The following ABCA12 variants were observed in gnomAD, a reference collection of about 807,000 sequenced individuals.
ABCA12 encodes ATP binding cassette subfamily A member 12.
Under a neutral mutation model 293.5 loss-of-function variants are expected in ABCA12, and 156 were observed. That is an observed-to-expected ratio of 0.53 (90% CI 0.47 to 0.61). The LOEUF (loss-of-function observed/expected upper bound fraction) is 0.61. ABCA12 is among the 20% of genes least tolerant of loss of function. The pLI is 0.00. For missense variants in ABCA12, 2,797 were observed against 3,090.2 expected, an observed-to-expected ratio of 0.91 and a Z score of 2.25; for synonymous variants, 1,063 against 1,108.0, an observed-to-expected ratio of 0.96 and a Z score of 0.81.
intron 52 of ABCA12, among the ~76,000 whole-genome samples, chr2:214,933,528 G>A (rs1289790926): frequency 6.6e-6 from 1 of 152,178 alleles, no homozygotes; most frequent in Non-Finnish European, 1.5e-5. Context: ...TGGTTGAGCT[G>A]TGCAAAATTA....
At chr2:215,018,639 A>C (rs1421094744) in intron 13 of ABCA12, among the ~76,000 whole-genome samples, 3 of 152,182 alleles carry the variant, frequency 2.0e-5, no homozygotes, top group Admixed American at 2.0e-4. Flanking sequence ...TTTAAATAGA[A>C]CGTGTTTAAC....
rs1307823640 is a variant in ABCA12 at position 214,955,223 on chromosome 2, GGAAA to G, written c.6368_6371del (p.Leu2123ProfsTer10). ...TTACCGGATCATTAGGCTTTTCCTT[GGAAA>G]GAAAGTATACCACTGACAGGGAAAC... On this transcript the variant is annotated frameshift_variant, in exon 43 of 53. Coordinates refer to ENST00000272895, the MANE Select transcript of ABCA12 (RefSeq NM_173076.3). LOFTEE classifies it high-confidence loss of function. 1 of 1,613,972 alleles carries G rather than the reference GGAAA, an allele frequency of 6.2e-7. No individual in the cohort carries two copies. Among genetic ancestry groups the G allele is most frequent in the Admixed American group, 1.7e-5 (1 of 60,014 alleles).
chr2:215,104,246 C>T (rs528489863), intron 2 of ABCA12, among the ~76,000 whole-genome samples: 1 of 152,130 alleles, frequency 6.6e-6, no homozygotes, highest in Non-Finnish European at 1.5e-5. Flanking sequence ...AGAAAATACC[C>T]TTCCTTACTC....
At chr2:214,981,639 G>T (rs530517153) in intron 30 of ABCA12, among the ~76,000 whole-genome samples, 37 of 151,946 alleles carry the variant, frequency 2.4e-4, no homozygotes, top group African/African-American at 8.9e-4. Context: ...AGAAAAGAAA[G>T]AGCCAATCTT....
chr2:214,946,394 T>C (rs1309567235), intron 48 of ABCA12, among the ~76,000 whole-genome samples: 1 of 152,172 alleles, frequency 6.6e-6, no homozygotes, highest in African/African-American at 2.4e-5. Flanking sequence ...TAATGCATAA[T>C]GTTTACATAA....
At chr2:215,095,440 C>A (rs540393586) in intron 2 of ABCA12, among the ~76,000 whole-genome samples, 3 of 152,102 alleles carry the variant, frequency 2.0e-5, no homozygotes, top group Non-Finnish European at 4.4e-5. Flanking sequence ...TCATTCTATA[C>A]GACAAATGCT....
Position 214,974,866 on chromosome 2 carries a change from T to C in ABCA12, c.5382-2A>G, listed in dbSNP as rs1189134560. On this transcript the variant is annotated splice_acceptor_variant, in intron 34 of 52. Transcript: ENST00000272895. LOFTEE classifies it high-confidence loss of function. Reference sequence around the variant, plus strand: ...GCTTCCGTGCTCGGGTGATAATTACTGCAATATGAAAGGACAGAAACAAAT... The same window carrying C: ...GCTTCCGTGCTCGGGTGATAATTACCGCAATATGAAAGGACAGAAACAAAT... The C allele has an allele frequency of 1.9e-6, 3 of 1,613,382 alleles. No individual in the cohort carries two copies. Among genetic ancestry groups the C allele is most frequent in the Non-Finnish European group, 2.5e-6 (3 of 1,179,332 alleles).
chr2:215,061,300 T>C (rs1701522749), intron 3 of ABCA12, among the ~76,000 whole-genome samples: 1 of 152,056 alleles, frequency 6.6e-6, no homozygotes, highest in Non-Finnish European at 1.5e-5. Flanking sequence ...AGAAGGCTGG[T>C]GCCAGACGCA....
chr2:215,079,434 T>G (rs1338118645), intron 2 of ABCA12, among the ~76,000 whole-genome samples: 1 of 152,138 alleles, frequency 6.6e-6, no homozygotes, highest in African/African-American at 2.4e-5. Context: ...CTGTGGAAAA[T>G]ATTGATGGAT....
At position 215,018,491 on chromosome 2, in the gene ABCA12, G is replaced by GT. The variant is rs1318006833; in HGVS notation, c.1658-360dup. ...TTAAAATATCACACAGATTCAATAT[G>GT]TTTTTTTAATCTGGGATCATGTAAT... is the stretch of plus-strand genomic sequence containing the variant. On this transcript the variant is annotated intron_variant, in intron 13 of 52. Transcript: ENST00000272895. Among the ~76,000 whole-genome samples, 3 of 152,132 alleles carry GT rather than the reference G, an allele frequency of 2.0e-5. No homozygotes were observed. In the East Asian group the frequency reaches 5.8e-4, roughly 29 times the overall value.
At chr2:214,983,019 G>T (rs750582357) in intron 29 of ABCA12, among the ~76,000 whole-genome samples, 15 of 151,956 alleles carry the variant, frequency 9.9e-5, no homozygotes, top group Non-Finnish European at 1.3e-4. Context: ...ATGGCCATCT[G>T]GGGGGGTAGG....
At chr2:214,942,778 T>G in intron 50 of ABCA12, 147 bp downstream of exon 50, 1 of 656,366 alleles carries the variant, frequency 1.5e-6, no homozygotes, top group Non-Finnish European at 2.7e-6. Context: ...AATTTAAATT[T>G]AAGGTGAGTC....
chr2:214,948,195 C>G (rs1349544287), intron 47 of ABCA12, among the ~76,000 whole-genome samples: 1 of 152,098 alleles, frequency 6.6e-6, no homozygotes, highest in Non-Finnish European at 1.5e-5. Flanking sequence ...GATTAAAAAC[C>G]AAAGTGGAAA....
chr2:215,007,591 A>C (rs1368947046), intron 19 of ABCA12, 136 bp downstream of exon 19: 2 of 1,150,480 alleles, frequency 1.7e-6, no homozygotes, highest in Non-Finnish European at 1.3e-6. Context: ...CCTGTCTCAG[A>C]CCTTCTCTCT....
intron 4 of ABCA12, among the ~76,000 whole-genome samples, chr2:215,054,200 T>C (rs779461236): frequency 9.2e-5 from 14 of 152,066 alleles, no homozygotes; most frequent in African/African-American, 1.9e-4. Context: ...ATCTGTAAAA[T>C]GGAAAATCTG....
intron 11 of ABCA12, chr2:215,023,451 T>C (rs1700674670): frequency 6.6e-6 from 1 of 152,208 alleles, no homozygotes; most frequent in Admixed American, 6.5e-5. Context: ...ACTTTTTCCA[T>C]AATGTAACCC....
At position 215,084,276 on chromosome 2, in the gene ABCA12, C is replaced by T. The variant is rs77538059; in HGVS notation, c.164-20057G>A. Among the ~76,000 whole-genome samples the T allele has an allele frequency of 6.2e-4, 95 of 152,190 alleles. 1 individual carries two copies. In the East Asian group the frequency reaches 0.013, roughly 21 times the overall value. Reference sequence around the variant, plus strand: ...TGCTGGGATTACAGGCATGCGCTACCATCCCTGGCCAGCAAATGTTTACAT... The same window carrying T: ...TGCTGGGATTACAGGCATGCGCTACTATCCCTGGCCAGCAAATGTTTACAT... On this transcript the variant is annotated intron_variant, in intron 2 of 52. Coordinates refer to ENST00000272895, the MANE Select transcript of ABCA12 (RefSeq NM_173076.3).
At chr2:215,105,601 G>A (rs57291453) in intron 2 of ABCA12, among the ~76,000 whole-genome samples, 8,827 of 138,228 alleles carry the variant, frequency 0.064, 834 homozygotes, top group African/African-American at 0.22. Context: ...ACACACACAC[G>A]CACACACACA....
At chr2:215,011,809 C>A (rs1336676411) in intron 16 of ABCA12, among the ~76,000 whole-genome samples, 160 bp from the exon 17 acceptor site, 2 of 150,816 alleles carry the variant, frequency 1.3e-5, no homozygotes, top group Non-Finnish European at 2.9e-5. Flanking sequence ...CAATAAACTT[C>A]ACTAATTAAA....
Sources: allele counts gnomAD v4.1 joint callset (sites outside exome capture counted in the v4.1 genomes callset), GRCh38; gene constraint gnomAD v4.1.1; transcripts MANE v1.5; gene names NCBI Gene and HGNC (gene_info 2026-07-23, HGNC 2026-07-21).